POLQ: variants seen among roughly 807,000 people sequenced by gnomAD.
POLQ encodes the protein DNA polymerase theta.
A neutral mutation model predicts 259.2 loss-of-function variants in POLQ; 233 were observed. The observed-to-expected ratio is 0.90, with a 90% confidence interval of 0.81 to 1.00. POLQ has a LOEUF of 1.00. Among genes scored for constraint, POLQ ranks in the 50% least tolerant of loss-of-function variants. POLQ has a pLI of 0.00. For synonymous variants in POLQ, 1,025 were observed against 1,048.8 expected, an observed-to-expected ratio of 0.98 and a Z score of 0.44; for missense variants, 2,871 against 3,051.6, an observed-to-expected ratio of 0.94 and a Z score of 1.39.
intron 7 of POLQ, among the ~76,000 whole-genome samples, 167 bp downstream of exon 7, chr3:121,529,478 G>T (rs2048395644): frequency 6.6e-6 from 1 of 152,150 alleles, no homozygotes; most frequent in South Asian, 2.1e-4. Flanking sequence ...ACTAGGGACG[G>T]AATATTATTA....
chr3:121,444,086 GTAAATTGT>G, intron 26 of POLQ, among the ~76,000 whole-genome samples: 1 of 151,820 alleles, frequency 6.6e-6, no homozygotes, highest in South Asian at 2.1e-4. Flanking sequence ...GTGGTTCCAT[GTAAATTGT>G]AGTACTTTTT....
intron 24 of POLQ, among the ~76,000 whole-genome samples, chr3:121,465,975 T>C (rs561703579): frequency 1.1e-4 from 17 of 152,280 alleles, no homozygotes; most frequent in African/African-American, 4.1e-4. Flanking sequence ...AAAGCTGAGA[T>C]AGGTTGAAAG....
chr3:121,459,960 TTC>T, intron 25 of POLQ, 88 bp downstream of exon 25: 1 of 952,530 alleles, frequency 1.0e-6, no homozygotes, highest in Non-Finnish European at 1.7e-6. Context: ...GAGAAACTGT[TTC>T]TCAGCTGCAA....
intron 4 of POLQ, among the ~76,000 whole-genome samples, chr3:121,538,788 C>T (rs188670224): frequency 7.2e-5 from 11 of 152,154 alleles, no homozygotes; most frequent in Admixed American, 2.0e-4. Context: ...GTCTGATTCC[C>T]ACCCTCCACC....
At chr3:121,537,465 T>C (rs2048458933) in intron 4 of POLQ, among the ~76,000 whole-genome samples, 1 of 152,178 alleles carries the variant, frequency 6.6e-6, no homozygotes, top group Non-Finnish European at 1.5e-5. Flanking sequence ...TCCCTTCTAG[T>C]AGTCCCCAGT....
chr3:121,446,316 T>C (rs1438672496), intron 26 of POLQ, among the ~76,000 whole-genome samples: 1 of 152,216 alleles, frequency 6.6e-6, no homozygotes, highest in Non-Finnish European at 1.5e-5. Context: ...ATATTAACTT[T>C]CTGAATATTT....
intron 25 of POLQ, among the ~76,000 whole-genome samples, chr3:121,457,524 A>C (rs941394758): frequency 2.6e-5 from 4 of 152,334 alleles, no homozygotes; most frequent in African/African-American, 9.6e-5. Flanking sequence ...CAATGAACTC[A>C]AACAAACTTA....
chr3:121,544,228 C>G (rs1246318717), intron 2 of POLQ, among the ~76,000 whole-genome samples: 1 of 152,026 alleles, frequency 6.6e-6, no homozygotes, highest in Non-Finnish European at 1.5e-5. Context: ...TGGCGCACAC[C>G]TGTAATTCCA....
rs1440110021 is a variant in POLQ, at chr3:121,431,994, G to A, written c.*310C>T. 4.3e-6 allele frequency: 1 copy of A among 232,374 alleles called. No homozygotes were observed. Among genetic ancestry groups the A allele is most frequent in the Non-Finnish European group, 8.2e-6 (1 of 121,558 alleles). 14.4% of individuals were successfully genotyped at this position (232,374 alleles called of 1,614,324 possible). ...GACAGATGTGGAACCAAAGTGCTAA[G>A]TGCATATTTCAAGCATCTGTTCTGA... On this transcript the variant is annotated 3_prime_UTR_variant, in exon 30 of 30. Coordinates refer to ENST00000264233, the MANE Select transcript of POLQ (RefSeq NM_199420.4).
intron 20 of POLQ, among the ~76,000 whole-genome samples, 196 bp from the exon 21 acceptor site, chr3:121,473,683 A>G (rs2047903524): frequency 6.6e-6 from 1 of 150,440 alleles, no homozygotes; most frequent in Non-Finnish European, 1.5e-5. Context: ...GTCTATCCAT[A>G]CTCTAATTAG....
chr3:121,457,477 C>G (rs1471405999), intron 25 of POLQ, among the ~76,000 whole-genome samples: 1 of 152,078 alleles, frequency 6.6e-6, no homozygotes, highest in Non-Finnish European at 1.5e-5. Flanking sequence ...ATTTTCGCAA[C>G]CTACTCATCT....
At chr3:121,440,709 C>T (rs536838439) in intron 26 of POLQ, among the ~76,000 whole-genome samples, 113 of 152,266 alleles carry the variant, frequency 7.4e-4, no homozygotes, top group African/African-American at 2.6e-3. Context: ...ATCTAGGTGT[C>T]TTTATTCCAG....
Position 121,510,349 on chromosome 3 carries a change from G to A in POLQ, c.1612-106C>T, listed in dbSNP as rs61736317. ...TCCCAGCACTTTGGGAGTCCGAGGCGGGCGGATCACGAGGTCTGGAGATGG... is the reference window on the plus strand; with the variant it reads ...TCCCAGCACTTTGGGAGTCCGAGGCAGGCGGATCACGAGGTCTGGAGATGG... On this transcript the variant is annotated intron_variant, in intron 10 of 29. Transcript: ENST00000264233. The A allele has an allele frequency of 5.6e-3, 4,017 of 715,204 alleles. 101 individuals carry two copies. The African/African-American group carries it at 0.059, about 11-fold the overall frequency. 44.3% of individuals were successfully genotyped at this position (715,204 alleles called of 1,614,324 possible). A position where few individuals can be genotyped will look rare whatever the true frequency, so the allele number is the denominator to read the frequency against.
chr3:121,541,976 CAA>C (rs796534977), intron 2 of POLQ, among the ~76,000 whole-genome samples: 1 of 142,998 alleles, frequency 7.0e-6, no homozygotes, highest in African/African-American at 2.6e-5. Flanking sequence ...ATAAAAATAA[CAA>C]AAAAAAAAAT....
In POLQ at chr3:121,487,510, C is replaced by T. The variant is rs368659633; in HGVS notation, c.5421G>A (p.Gln1807=). Residue 1807 remains glutamine, a synonymous_variant, in exon 16 of 30, where the codon CAG becomes CAA. Coordinates refer to ENST00000264233, the MANE Select transcript of POLQ (RefSeq NM_199420.4). The part of the protein sequence containing the change: ...SPISDTSFSL[Q]LSQDGLQLTP... ...TTAACTGTAATCCATCCTGTGATAA[C>T]TGAAGTGAAAAGCTTGTGTCACTAA... 5 of 1,614,072 alleles carry T rather than the reference C, an allele frequency of 3.1e-6. No individual in the cohort carries two copies. The highest frequency in any genetic ancestry group is 1.3e-5 in the African/African-American group (1 of 75,038).
chr3:121,474,464 T>A (rs570886140), intron 20 of POLQ, among the ~76,000 whole-genome samples: 17 of 152,334 alleles, frequency 1.1e-4, no homozygotes, highest in African/African-American at 3.8e-4. Flanking sequence ...CAGAACATTA[T>A]CTACTATACC....
chr3:121,500,757 A>G (rs1251582742), intron 12 of POLQ, among the ~76,000 whole-genome samples: 1 of 152,200 alleles, frequency 6.6e-6, no homozygotes, highest in Non-Finnish European at 1.5e-5. Flanking sequence ...AAAGGCATCC[A>G]TACAAAGACG....
At chr3:121,470,769 C>T (rs1224038929) in intron 22 of POLQ, among the ~76,000 whole-genome samples, 1 of 152,132 alleles carries the variant, frequency 6.6e-6, no homozygotes, top group Non-Finnish European at 1.5e-5. Flanking sequence ...AGATACCACA[C>T]ATGGCTAATT....
At chr3:121,442,329 A>G (rs2047599785) in intron 26 of POLQ, among the ~76,000 whole-genome samples, 1 of 152,204 alleles carries the variant, frequency 6.6e-6, no homozygotes, top group South Asian at 2.1e-4. Flanking sequence ...AGTCATCTTT[A>G]AATGTACAAT....
Sources: allele counts gnomAD v4.1 joint callset (sites outside exome capture counted in the v4.1 genomes callset), GRCh38; gene constraint gnomAD v4.1.1; transcripts MANE v1.5; gene names NCBI Gene and HGNC (gene_info 2026-07-23, HGNC 2026-07-21).